SLC2A1: variants seen among roughly 807,000 people sequenced by gnomAD.
SLC2A1 encodes the protein solute carrier family 2, facilitated glucose transporter member 1.
Under a neutral mutation model 46.6 loss-of-function variants are expected in SLC2A1, and 4 were observed. The observed-to-expected ratio is 0.09, with a 90% confidence interval of 0.04 to 0.20. The LOEUF is 0.20. Ranked by LOEUF, SLC2A1 falls within the 10% of genes least tolerant of loss-of-function variation. The probability of loss-of-function intolerance (pLI) is 1.00; values close to 1 mark genes in which losing one functional copy is unlikely to be tolerated. For missense variants in SLC2A1, 352 were observed against 667.0 expected (o/e 0.53, Z 5.20); for synonymous variants, 253 against 270.0 (o/e 0.94, Z 0.62).
At position 42,930,422 on chromosome 1, in the gene SLC2A1, A is replaced by T. The variant is rs1168330931; in HGVS notation, c.516+204T>A. On this transcript the variant is annotated intron_variant, in intron 4 of 9. Coordinates refer to ENST00000426263, the MANE Select transcript of SLC2A1 (RefSeq NM_006516.4). The surrounding 1 kb of genome is among the most constrained non-coding windows in gnomAD (Gnocchi z 6.2). ...GGTTGGAAGCCTAGAGTGAGAAGAA[A>T]GGGACTGAGAAGAGTCAAGTCATCT... The T allele has an allele frequency of 2.6e-6, 2 of 768,298 alleles. No individual in the cohort carries two copies. Among genetic ancestry groups the T allele is most frequent in the South Asian group, 3.0e-5 (2 of 67,136 alleles). The allele number at this position is 768,298 out of a possible 1,614,324, so 47.6% of individuals were successfully genotyped here.
Position 42,928,970 on chromosome 1 carries a change from C to T in SLC2A1, c.1036G>A (p.Gly346Ser). ...GCGATGGTCATGAGTATGGCACAAC[C>T]CGCCATGCCAGCGAGGCCTATGAGG... is the stretch of plus-strand genomic sequence containing the variant. ...LHLIGLAGMA[G>S]CAILMTIALA... The change falls in exon 8 of 10, where the codon GGT (glycine) becomes AGT (serine). Residue 346 changes from glycine (G) to serine (S), a missense_variant. This residue lies in a region of SLC2A1 where 167 missense variants were observed against 280.8 expected (regional missense o/e 0.59). Coordinates refer to ENST00000426263, the MANE Select transcript of SLC2A1 (RefSeq NM_006516.4). 6.2e-7 allele frequency: 1 copy of T among 1,613,984 alleles called. No homozygotes were observed. Among genetic ancestry groups the T allele is most frequent in the South Asian group, 1.1e-5 (1 of 91,088 alleles).
At chr1:42,936,927 G>C (rs1377501774) in intron 2 of SLC2A1, among the ~76,000 whole-genome samples, 3 of 152,078 alleles carry the variant, frequency 2.0e-5, no homozygotes, top group Non-Finnish European at 2.9e-5. Flanking sequence ...AGACGGCTTT[G>C]GTACCCCATA....
Position 42,927,037 on chromosome 1 carries a change from C to T in SLC2A1, c.*4G>A, listed in dbSNP as rs780698077. The T allele has an allele frequency of 1.8e-5, 29 of 1,612,854 alleles. No homozygotes were observed. Among genetic ancestry groups the T allele is most frequent in the African/African-American group, 6.7e-5 (5 of 74,894 alleles). On this transcript the variant is annotated 3_prime_UTR_variant, in exon 10 of 10. Coordinates refer to ENST00000426263, the MANE Select transcript of SLC2A1 (RefSeq NM_006516.4). This position sits in a 1 kb window ranked among gnomAD's most constrained non-coding sequence, Gnocchi z 5.3. ...AGCAGGCCGGGCTGGTGATCTGGGG[C>T]GACTCACACTTGGGAATCAGCCCCC...
intron 1 of SLC2A1, 97 bp downstream of exon 1, chr1:42,958,537 G>A: frequency 9.3e-7 from 1 of 1,078,478 alleles, no homozygotes; most frequent in Non-Finnish European, 1.2e-6. Context: ...CGGGCGCACA[G>A]CGCAGCGGGG....
At position 42,929,790 on chromosome 1, in the gene SLC2A1, C is replaced by A. The variant is rs587784394; in HGVS notation, c.680-10G>T. ...CGCAGCTTCTTTAGCACTGGGGGGACCGGAGGGAAGGTGAGGGTGGCTCAG... is the reference window on the plus strand; with the variant it reads ...CGCAGCTTCTTTAGCACTGGGGGGAACGGAGGGAAGGTGAGGGTGGCTCAG... On this transcript the variant is annotated splice_polypyrimidine_tract_variant and intron_variant, in intron 5 of 9. Coordinates refer to ENST00000426263, the MANE Select transcript of SLC2A1 (RefSeq NM_006516.4). The surrounding 1 kb of genome is among the most constrained non-coding windows in gnomAD (Gnocchi z 6.0). 37 of 1,614,002 alleles carry A rather than the reference C, an allele frequency of 2.3e-5. No homozygotes were observed. Among genetic ancestry groups the A allele is most frequent in the Non-Finnish European group, 3.1e-5 (36 of 1,180,014 alleles).
intron 1 of SLC2A1, among the ~76,000 whole-genome samples, chr1:42,957,527 G>A (rs1365875204): frequency 1.3e-5 from 2 of 152,134 alleles, no homozygotes; most frequent in Admixed American, 1.3e-4. Flanking sequence ...CAGCTGACGA[G>A]ATGGAAAAAT....
At chr1:42,957,090 T>A (rs2200300) in intron 1 of SLC2A1, among the ~76,000 whole-genome samples, 8,951 of 152,304 alleles carry the variant, frequency 0.059, 929 homozygotes, top group African/African-American at 0.2. Context: ...AATAGATAGT[T>A]CCTTCCCTAG....
At position 42,927,038 on chromosome 1, in the gene SLC2A1, G is replaced by A. The variant is rs369282116; in HGVS notation, c.*3C>T. Reference sequence around the variant, plus strand: ...GCAGGCCGGGCTGGTGATCTGGGGCGACTCACACTTGGGAATCAGCCCCCA... The same window carrying A: ...GCAGGCCGGGCTGGTGATCTGGGGCAACTCACACTTGGGAATCAGCCCCCA... On this transcript the variant is annotated 3_prime_UTR_variant, in exon 10 of 10. Transcript: ENST00000426263. The surrounding 1 kb of genome is among the most constrained non-coding windows in gnomAD (Gnocchi z 5.3). 6.8e-6 allele frequency: 11 copies of A among 1,613,016 alleles called. No homozygotes were observed. Among genetic ancestry groups the A allele is most frequent in the South Asian group, 1.1e-5 (1 of 91,082 alleles).
intron 1 of SLC2A1, among the ~76,000 whole-genome samples, chr1:42,951,338 C>A: frequency 6.7e-6 from 1 of 149,086 alleles, no homozygotes; most frequent in East Asian, 1.9e-4. Flanking sequence ...ATGAAGAGTA[C>A]CAGGGTAGAT....
intron 1 of SLC2A1, among the ~76,000 whole-genome samples, chr1:42,950,157 G>A (rs1328545648): frequency 2.6e-5 from 4 of 152,220 alleles, no homozygotes; most frequent in African/African-American, 9.7e-5. Flanking sequence ...TTTGTGATAT[G>A]TAAGAATTAT....
rs1643614138 is a variant in SLC2A1, at chr1:42,943,064, GTC to G, written c.114+160_114+161del. ...ACCCTGATTCCAAAGCAAGAGAAGA[GTC>G]TCTGACATGATCAGGGCCAGAAAAC... On this transcript the variant is annotated intron_variant, in intron 2 of 9. Coordinates refer to ENST00000426263, the MANE Select transcript of SLC2A1 (RefSeq NM_006516.4). 4.4e-6 allele frequency: 3 copies of G among 677,826 alleles called. No individual in the cohort carries two copies. The African/African-American group carries it at 5.3e-5, about 12-fold the overall frequency. 42.0% of individuals were successfully genotyped at this position (677,826 alleles called of 1,614,324 possible).
At chr1:42,952,509 C>T (rs1643732233) in intron 1 of SLC2A1, 3 of 419,316 alleles carry the variant, frequency 7.2e-6, no homozygotes, top group East Asian at 7.2e-5. Flanking sequence ...CAGCTCCAGC[C>T]GCATAAGGGC....
chr1:42,936,517 G>A (rs1473025969), intron 2 of SLC2A1, among the ~76,000 whole-genome samples: 1 of 152,120 alleles, frequency 6.6e-6, no homozygotes, highest in Non-Finnish European at 1.5e-5. Flanking sequence ...GTCCCCTGGG[G>A]CCTCACTTTG....
intron 2 of SLC2A1, among the ~76,000 whole-genome samples, chr1:42,932,424 C>CTTATGCACG (rs3841833): frequency 0.1 from 15,143 of 152,154 alleles, 761 homozygotes; most frequent in Admixed American, 0.15. Context: ...GAAACGGCTT[C>CTTATGCACG]TTATGCACGT....
intron 2 of SLC2A1, among the ~76,000 whole-genome samples, chr1:42,940,383 A>G (rs1019216935): frequency 2.6e-5 from 4 of 152,192 alleles, no homozygotes; most frequent in African/African-American, 9.6e-5. Flanking sequence ...TCCTCCACTC[A>G]CTATCCACCA....
chr1:42,947,541 G>A (rs1108902), intron 1 of SLC2A1, among the ~76,000 whole-genome samples: 20,778 of 137,712 alleles, frequency 0.15, 1,700 homozygotes, highest in South Asian at 0.2. Flanking sequence ...GGGCAATATG[G>A]TGAAACCAGG....
rs1643439315 is a variant in SLC2A1, at chr1:42,927,495, C to T, written c.1278+110G>A. 2 of 1,136,244 alleles carry T rather than the reference C, an allele frequency of 1.8e-6. No homozygotes were observed. The highest frequency in any genetic ancestry group is 2.6e-6 in the Non-Finnish European group (2 of 767,326). The allele number at this position is 1,136,244 out of a possible 1,614,324, so 70.4% of individuals were successfully genotyped here. ...TGGTCATGTGACCTGGGCTTCCTAC[C>T]CTCAGTTTCCTCCTCAGCATGATTC... On this transcript the variant is annotated intron_variant, in intron 9 of 9. Transcript: ENST00000426263. This position sits in a 1 kb window ranked among gnomAD's most constrained non-coding sequence, Gnocchi z 5.3.
chr1:42,945,615 G>A (rs576717215), intron 1 of SLC2A1, among the ~76,000 whole-genome samples: 4 of 151,966 alleles, frequency 2.6e-5, no homozygotes, highest in South Asian at 2.1e-4. Context: ...GGGCATGGTG[G>A]TGCGTGCCTG....
intron 2 of SLC2A1, among the ~76,000 whole-genome samples, chr1:42,936,187 T>C (rs1218246651): frequency 6.6e-6 from 1 of 152,128 alleles, no homozygotes; most frequent in Non-Finnish European, 1.5e-5. Context: ...GGGCCAGGTT[T>C]AGGCTCGGTC....
Sources: allele counts gnomAD v4.1 joint callset (sites outside exome capture counted in the v4.1 genomes callset), GRCh38; gene constraint gnomAD v4.1.1; regional missense constraint gnomAD v4.1.1; non-coding constraint Gnocchi (gnomAD v3.1); transcripts MANE v1.5; gene names NCBI Gene and HGNC (gene_info 2026-07-23, HGNC 2026-07-21).